TMEM45A: variants seen among roughly 807,000 people sequenced by gnomAD.
TMEM45A encodes the protein transmembrane protein 45A.
TMEM45A carries 25 observed loss-of-function variants against 32.0 expected under a neutral mutation model. That is an observed-to-expected ratio of 0.78 (90% CI 0.57 to 1.09). The LOEUF is 1.09. TMEM45A is among the 50% of genes least tolerant of loss of function. The pLI, the probability that TMEM45A is intolerant of heterozygous loss-of-function variation, is 0.00. For synonymous variants in TMEM45A, 122 were observed against 114.8 expected (o/e 1.06, Z -0.40); for missense variants, 302 against 325.0 (o/e 0.93, Z 0.54).
intron 5 of TMEM45A, chr3:100,574,032 T>G (rs1266159373): frequency 6.6e-6 from 1 of 152,244 alleles, no homozygotes; most frequent in Non-Finnish European, 1.5e-5. Flanking sequence ...TGCATCCATG[T>G]TCATCAAGGA....
chr3:100,553,460 A>G (rs1706149332), intron 1 of TMEM45A, among the ~76,000 whole-genome samples: 1 of 152,212 alleles, frequency 6.6e-6, no homozygotes, highest in African/African-American at 2.4e-5. Context: ...TAAGAAATAT[A>G]AAATGTTTAA....
intron 5 of TMEM45A, chr3:100,571,615 A>ATTT (rs1260447252): frequency 2.6e-5 from 4 of 152,118 alleles, no homozygotes; most frequent in African/African-American, 9.7e-5. Flanking sequence ...TATTATTATT[A>ATTT]TACTTTAAGT....
At chr3:100,505,478 G>A (rs991482183) in intron 1 of TMEM45A, among the ~76,000 whole-genome samples, 13 of 152,300 alleles carry the variant, frequency 8.5e-5, no homozygotes, top group Admixed American at 2.0e-4. Context: ...TTTAGTGGCA[G>A]GAAATTTATG....
chr3:100,547,008 T>TA (rs1190512129), intron 1 of TMEM45A, among the ~76,000 whole-genome samples: 4 of 152,168 alleles, frequency 2.6e-5, no homozygotes, highest in Admixed American at 6.5e-5. Flanking sequence ...CCCCTTGCAG[T>TA]AAAAAATCCA....
rs1706660425 is a variant in TMEM45A, at chr3:100,575,363, C to CTCTTTTTTTTTTTTTT, written c.735-1561_735-1560insCTTTTTTTTTTTTTTT. On this transcript the variant is annotated intron_variant, in intron 5 of 5. Transcript: ENST00000323523. ...TGCTTCCCCCAGGCCTATGGATTCT[C>CTCTTTTTTTTTTTTTT]TTTTTTTTTTTTTTTTTTTTTTTTT... Among the ~76,000 whole-genome samples, 45 of 62,762 alleles carry CTCTTTTTTTTTTTTTT rather than the reference C, an allele frequency of 7.2e-4. 3 individuals carry two copies. Among genetic ancestry groups the CTCTTTTTTTTTTTTTT allele is most frequent in the African/African-American group, 2.3e-3 (42 of 18,632 alleles). 41.2% of individuals were successfully genotyped at this position (62,762 alleles called of 152,430 possible). A position where few individuals can be genotyped will look rare whatever the true frequency, so the allele number is the denominator to read the frequency against.
chr3:100,504,220 C>G (rs547070677), intron 1 of TMEM45A, among the ~76,000 whole-genome samples: 189 of 151,912 alleles, frequency 1.2e-3, no homozygotes, highest in Non-Finnish European at 2.1e-3. Context: ...CACCCCACCC[C>G]CTGAGTCCAT....
At chr3:100,568,728 T>TA in intron 4 of TMEM45A, 94 bp from the exon 5 acceptor site, 1 of 1,185,038 alleles carries the variant, frequency 8.4e-7, no homozygotes, top group Non-Finnish European at 1.2e-6. Flanking sequence ...GGAGTTAACT[T>TA]AGTTATTTAC....
chr3:100,534,033 T>A (rs1705697621), intron 1 of TMEM45A, among the ~76,000 whole-genome samples: 1 of 152,166 alleles, frequency 6.6e-6, no homozygotes, highest in African/African-American at 2.4e-5. Context: ...TCAAGCCAAA[T>A]GTGAGACCTA....
intron 2 of TMEM45A, 89 bp from the exon 3 acceptor site, chr3:100,556,671 A>T (rs555970833): frequency 8.1e-7 from 1 of 1,227,998 alleles, no homozygotes; most frequent in Admixed American, 2.0e-5. Flanking sequence ...AGGACATTAG[A>T]TTGGAATAAG....
rs116400609 is a variant in TMEM45A at position 100,498,304 on chromosome 3, A to G, written c.-4+5376A>G. ...CTTCATAGCAGTGTGAAAATGGAAT[A>G]ATACAGATGAGGTTAACATTTAAAT... On this transcript the variant is annotated intron_variant, in intron 1 of 5. Transcript: ENST00000323523. Among the ~76,000 whole-genome samples, 482 of 152,322 alleles carry G rather than the reference A, an allele frequency of 3.2e-3. 4 individuals carry two copies. The highest frequency in any genetic ancestry group is 5.1e-3 in the Non-Finnish European group (350 of 68,026).
At chr3:100,569,117 C>CAA (rs1706503950) in intron 5 of TMEM45A, 150 bp downstream of exon 5, 1 of 805,012 alleles carries the variant, frequency 1.2e-6, no homozygotes, top group African/African-American at 1.7e-5. Context: ...TCTGCAAACA[C>CAA]AAAAATTCCC....
chr3:100,549,122 C>T (rs1223289900), intron 1 of TMEM45A, among the ~76,000 whole-genome samples: 4 of 152,002 alleles, frequency 2.6e-5, no homozygotes, highest in Non-Finnish European at 5.9e-5. Flanking sequence ...TGGCATGCGC[C>T]TGTAATACCA....
At chr3:100,576,159 A>T (rs911884674) in intron 5 of TMEM45A, among the ~76,000 whole-genome samples, 3 of 151,656 alleles carry the variant, frequency 2.0e-5, no homozygotes, top group African/African-American at 4.9e-5. Context: ...CTAAAAATAT[A>T]AAAAAAATTG....
chr3:100,545,367 A>G (rs1358520533), intron 1 of TMEM45A, among the ~76,000 whole-genome samples: 4 of 152,210 alleles, frequency 2.6e-5, no homozygotes, highest in Non-Finnish European at 5.9e-5. Context: ...CTCAGTTCTA[A>G]AAACATTAAT....
intron 3 of TMEM45A, 122 bp from the exon 4 acceptor site, chr3:100,558,283 C>T (rs559288239): frequency 1.7e-5 from 19 of 1,138,032 alleles, no homozygotes; most frequent in East Asian, 7.3e-5. Context: ...AATCAGTGGG[C>T]GCCTGCTCTT....
chr3:100,563,341 T>G (rs1023736244), intron 4 of TMEM45A, among the ~76,000 whole-genome samples: 2 of 152,232 alleles, frequency 1.3e-5, no homozygotes, highest in African/African-American at 4.8e-5. Flanking sequence ...CTGCAAATAC[T>G]CTGTTTCCAA....
At chr3:100,553,839 G>A (rs1706157587) in intron 1 of TMEM45A, among the ~76,000 whole-genome samples, 1 of 152,196 alleles carries the variant, frequency 6.6e-6, no homozygotes, top group African/African-American at 2.4e-5. Flanking sequence ...ATTCAATGGT[G>A]TCCTGAAATG....
chr3:100,536,554 A>G (rs1705743679), intron 1 of TMEM45A, among the ~76,000 whole-genome samples: 1 of 152,216 alleles, frequency 6.6e-6, no homozygotes, highest in Non-Finnish European at 1.5e-5. Flanking sequence ...GCATGAATGG[A>G]TCCATGGAGG....
At chr3:100,539,113 GGACA>G (rs1471840462) in intron 1 of TMEM45A, among the ~76,000 whole-genome samples, 1 of 152,098 alleles carries the variant, frequency 6.6e-6, no homozygotes, top group Non-Finnish European at 1.5e-5. Flanking sequence ...AAGTTTATAT[GGACA>G]GACAAAGGAC....
Sources: gnomAD v4.1 joint callset for allele counts (sites outside exome capture counted in the v4.1 genomes callset) on GRCh38, gnomAD v4.1.1 for gene constraint, MANE v1.5 for transcripts, NCBI Gene and HGNC (gene_info 2026-07-23, HGNC 2026-07-21) for gene names.